The following HEPHL1 variants were observed in gnomAD, a reference collection of about 807,000 sequenced individuals.
The protein encoded by HEPHL1 is hephaestin like 1, also known as ferroxidase HEPHL1.
A neutral mutation model predicts 122.0 loss-of-function variants in HEPHL1; 123 were observed. The ratio of observed to expected loss-of-function variants is 1.01; its 90% CI spans 0.87 to 1.17. The LOEUF (loss-of-function observed/expected upper bound fraction) is 1.17. Ranked by LOEUF, HEPHL1 falls within the 50% of genes most tolerant of loss-of-function variation. HEPHL1 has a pLI of 0.00. For synonymous variants in HEPHL1, 527 were observed against 508.9 expected (o/e 1.04, Z -0.48); for missense variants, 1,452 against 1,430.5 (o/e 1.01, Z -0.24).
intron 10 of HEPHL1, among the ~76,000 whole-genome samples, chr11:94,085,218 C>T (rs1350583009): frequency 6.6e-6 from 1 of 152,180 alleles, no homozygotes; most frequent in African/African-American, 2.4e-5. Flanking sequence ...CTTGTCAAGG[C>T]ACTTTTTCAG....
chr11:94,041,489 G>C (rs1435325010), intron 1 of HEPHL1, among the ~76,000 whole-genome samples: 4 of 128,434 alleles, frequency 3.1e-5, no homozygotes, highest in Admixed American at 1.6e-4. Context: ...CAAGGCTACA[G>C]TAACCAAAAC....
Position 94,077,417 on chromosome 11 carries a change from T to C in HEPHL1, c.1716+2032T>C, listed in dbSNP as rs1402127942. ...AATTTTTGTGGGTACATAGAACTTG[T>C]ATATATTTATGGAGTACACGAGATG... is the stretch of plus-strand genomic sequence containing the variant. On this transcript the variant is annotated intron_variant, in intron 9 of 19. Coordinates refer to ENST00000315765, the MANE Select transcript of HEPHL1 (RefSeq NM_001098672.2). 8.0e-4 allele frequency among the ~76,000 whole-genome samples: 122 copies of C among 152,318 alleles called. 2 individuals are homozygous for C. The highest frequency in any genetic ancestry group is 8.8e-5 in the Non-Finnish European group (6 of 68,030).
chr11:94,073,857 T>C (rs1325533520), intron 8 of HEPHL1, among the ~76,000 whole-genome samples: 1 of 152,172 alleles, frequency 6.6e-6, no homozygotes, highest in African/African-American at 2.4e-5. Context: ...GACATCGAAA[T>C]CTTACACATG....
At chr11:94,069,664 T>C (rs1451426120) in intron 5 of HEPHL1, among the ~76,000 whole-genome samples, 1 of 152,180 alleles carries the variant, frequency 6.6e-6, no homozygotes, top group African/African-American at 2.4e-5. Flanking sequence ...CCAGTGTCCA[T>C]TATAAGGAGA....
intron 9 of HEPHL1, among the ~76,000 whole-genome samples, chr11:94,075,714 G>T (rs1038904731): frequency 3.9e-5 from 6 of 151,994 alleles, no homozygotes; most frequent in African/African-American, 7.2e-5. Flanking sequence ...CTTGGACAAG[G>T]TTTCTCAAAT....
rs764283174 is a variant in HEPHL1 at position 94,111,743 on chromosome 11, C to T, written c.3329C>T (p.Thr1110Ile). 4.4e-6 allele frequency: 7 copies of T among 1,605,788 alleles called. No homozygotes were observed. The highest frequency in any genetic ancestry group is 6.0e-6 in the Non-Finnish European group (7 of 1,176,074). Residue 1110 changes from threonine to isoleucine, a missense_variant, in exon 20 of 20, where the codon ACA becomes ATA. Physicochemically the swap from Thr to Ile is moderately conservative, Grantham distance 89 (BLOSUM62 -1). Transcript: ENST00000315765. ...LYFFGKNLGP[T>I]GAKAALVILF... ...TTCTTTGGCAAGAATCTGGGTCCAA[C>T]AGGAGCCAAGGCAGCCTTGGTCATC...
At chr11:94,052,042 C>G (rs1304621359) in intron 2 of HEPHL1, among the ~76,000 whole-genome samples, 1 of 152,038 alleles carries the variant, frequency 6.6e-6, no homozygotes, top group East Asian at 1.9e-4. Flanking sequence ...GTTACTATAG[C>G]TCTGTAGTAT....
rs533766928 is a variant in HEPHL1 at position 94,027,396 on chromosome 11, C to T, written c.170+5858C>T. ...ACACAGTGCCTGCCACTTGAGAGCACTTGATCAGCTCTCGTGGTAGCTCTG... is the reference window on the plus strand; with the variant it reads ...ACACAGTGCCTGCCACTTGAGAGCATTTGATCAGCTCTCGTGGTAGCTCTG... On this transcript the variant is annotated intron_variant, in intron 1 of 19. Coordinates refer to ENST00000315765, the MANE Select transcript of HEPHL1 (RefSeq NM_001098672.2). Among the ~76,000 whole-genome samples, 4 of 152,360 alleles carry T rather than the reference C, an allele frequency of 2.6e-5. No individual in the cohort carries two copies. In the South Asian group the frequency reaches 8.3e-4, roughly 32 times the overall value.
At chr11:94,060,532 T>C (rs1945979032) in intron 2 of HEPHL1, among the ~76,000 whole-genome samples, 1 of 152,134 alleles carries the variant, frequency 6.6e-6, no homozygotes, top group Non-Finnish European at 1.5e-5. Flanking sequence ...TTTATGATTA[T>C]CACCACCTAA....
At position 94,067,589 on chromosome 11, in the gene HEPHL1, T is replaced by C; in HGVS notation, c.902T>C (p.Ile301Thr). The C allele has an allele frequency of 6.2e-7, 1 of 1,613,662 alleles. No homozygotes were observed. The highest frequency in any genetic ancestry group is 1.1e-5 in the South Asian group (1 of 91,074). Residue 301 changes from isoleucine (I) to threonine (T), a missense_variant, in exon 5 of 20, where the codon ATA (isoleucine) becomes ACA (threonine). Transcript: ENST00000315765. The part of the protein sequence containing the change: ...SWHLFGMGNE[I>T]DIHSIYFYGN... ...CACCTATTTGGAATGGGGAATGAAA[T>C]AGACATCCATTCTATCTATTTCTAT...
rs558753790 is a variant in HEPHL1 at position 94,077,868 on chromosome 11, T to C, written c.1716+2483T>C. ...CAGGCTCCTTATGCCTGGAATGTCA[T>C]CCCCTGACCTTTGCGTGGCTAGTTC... On this transcript the variant is annotated intron_variant, in intron 9 of 19. Coordinates refer to ENST00000315765, the MANE Select transcript of HEPHL1 (RefSeq NM_001098672.2). Among the ~76,000 whole-genome samples the C allele has an allele frequency of 2.0e-5, 3 of 152,326 alleles. No homozygotes were observed. The South Asian group carries it at 6.2e-4, about 32-fold the overall frequency.
In HEPHL1 at chr11:94,111,881, C is replaced by T. The variant is rs773161752; in HGVS notation, c.3467C>T (p.Thr1156Met). The change falls in exon 20 of 20, where the codon ACG becomes ATG. Residue 1156 changes from threonine to methionine, a missense_variant. Coordinates refer to ENST00000315765, the MANE Select transcript of HEPHL1 (RefSeq NM_001098672.2). Reference protein sequence around the residue: ...YQQVQSCALPTDAL With the variant: ...YQQVQSCALPMDAL ...CAAGTCCAGTCCTGTGCTCTCCCCA[C>T]GGATGCTCTGTGAACCATCTGGTCT... 59 of 1,516,794 alleles carry T rather than the reference C, an allele frequency of 3.9e-5. No individual in the cohort carries two copies. Among genetic ancestry groups the T allele is most frequent in the Non-Finnish European group, 4.9e-5 (56 of 1,133,840 alleles). 94.0% of individuals were successfully genotyped at this position (1,516,794 alleles called of 1,614,324 possible).
At position 94,067,968 on chromosome 11, in the gene HEPHL1, TA is replaced by T. The variant is rs1280070211; in HGVS notation, c.1063+223del. ...TGTATGAAAAAAGTGGGGAAGTGAT[TA>T]AAAATTGATGAGACCTTCGAGGAAC... On this transcript the variant is annotated intron_variant, in intron 5 of 19. Transcript: ENST00000315765. Among the ~76,000 whole-genome samples the T allele has an allele frequency of 9.8e-5, 15 of 152,310 alleles. No individual in the cohort carries two copies. In the South Asian group the frequency reaches 2.1e-3, roughly 21 times the overall value.
rs760542148 is a variant in HEPHL1, at chr11:94,082,533, A to T, written c.1832A>T (p.Glu611Val). 1 of 1,613,090 alleles carries T rather than the reference A, an allele frequency of 6.2e-7. No individual in the cohort carries two copies. Among genetic ancestry groups the T allele is most frequent in the South Asian group, 1.1e-5 (1 of 90,762 alleles). Residue 611 changes from glutamate (E) to valine (V), a missense_variant, in exon 10 of 20, where the codon GAA becomes GTA. Coordinates refer to ENST00000315765, the MANE Select transcript of HEPHL1 (RefSeq NM_001098672.2). ...FIWHPFSIDKEDKEFVKSNRM... is the reference protein window; with the variant it reads ...FIWHPFSIDKVDKEFVKSNRM... ...TGGCATCCCTTCAGCATTGACAAAG[A>T]AGATAAAGAGTTTGTGAAATCCAAC... is the stretch of plus-strand genomic sequence containing the variant.
chr11:94,097,212 T>C lies in HEPHL1; in HGVS notation c.2434+3572T>C, dbSNP rs560507191. On this transcript the variant is annotated intron_variant, in intron 13 of 19. Transcript: ENST00000315765. Reference sequence around the variant, plus strand: ...TAAATGTGTCCCAGAGATTCTGGTATGTTGTGTCTTTGTTCTCATTGGTTT... The same window carrying C: ...TAAATGTGTCCCAGAGATTCTGGTACGTTGTGTCTTTGTTCTCATTGGTTT... Among the ~76,000 whole-genome samples the C allele has an allele frequency of 4.6e-3, 698 of 152,344 alleles. 10 individuals are homozygous for C. Among genetic ancestry groups the C allele is most frequent in the Non-Finnish European group, 4.2e-3 (284 of 68,038 alleles).
At chr11:94,035,887 T>C (rs982211191) in intron 1 of HEPHL1, among the ~76,000 whole-genome samples, 1 of 152,106 alleles carries the variant, frequency 6.6e-6, no homozygotes, top group African/African-American at 2.4e-5. Context: ...CAGGCGCCCG[T>C]TACCACGCCC....
At chr11:94,061,579 G>C (rs1239572234) in intron 2 of HEPHL1, among the ~76,000 whole-genome samples, 1 of 152,012 alleles carries the variant, frequency 6.6e-6, no homozygotes, top group East Asian at 1.9e-4. Context: ...AATGGATGAG[G>C]GGCAGCTCTC....
Position 94,093,541 on chromosome 11 carries a change from G to A in HEPHL1, c.2335G>A (p.Gly779Ser). 6.2e-7 allele frequency: 1 copy of A among 1,613,582 alleles called. No homozygotes were observed. The highest frequency in any genetic ancestry group is 8.5e-7 in the Non-Finnish European group (1 of 1,179,720). Residue 779 changes from glycine (G) to serine (S), a missense_variant, in exon 13 of 20, where the codon GGC becomes AGC. Gly to Ser is a moderately conservative substitution (Grantham distance 56, BLOSUM62 0). Coordinates refer to ENST00000315765, the MANE Select transcript of HEPHL1 (RefSeq NM_001098672.2). Reference sequence around the variant, plus strand: ...TATGAACCGCACTGAAAATTGGATTGGCTCTCAGTACAAGAAGGTGGTTTA... The same window carrying A: ...TATGAACCGCACTGAAAATTGGATTAGCTCTCAGTACAAGAAGGTGGTTTA... ...IFMNRTENWI[G>S]SQYKKVVYRE...
At chr11:94,074,294 G>A (rs139635645) in intron 8 of HEPHL1, among the ~76,000 whole-genome samples, 11 of 152,194 alleles carry the variant, frequency 7.2e-5, no homozygotes, top group South Asian at 2.1e-4. Context: ...AAATGGCTGC[G>A]TGCAGTGGGT....
Sources: allele counts gnomAD v4.1 joint callset (sites outside exome capture counted in the v4.1 genomes callset), GRCh38; gene constraint gnomAD v4.1.1; transcripts MANE v1.5; gene names NCBI Gene and HGNC (gene_info 2026-07-23, HGNC 2026-07-21).